Variants in CEP250 observed in about 807,000 individuals in gnomAD.
The protein encoded by CEP250 is centrosome-associated protein CEP250.
CEP250 carries 242 observed loss-of-function variants against 315.7 expected under a neutral mutation model. The observed-to-expected ratio is 0.77, with a 90% CI of 0.69 to 0.85. The LOEUF (loss-of-function observed/expected upper bound fraction) is 0.85, where lower values mean the gene tolerates loss of function less well. Among genes scored for constraint, CEP250 ranks in the 40% least tolerant of loss-of-function variants. The pLI is 0.00. For synonymous variants in CEP250, 1,088 were observed against 1,175.0 expected, an observed-to-expected ratio of 0.93 and a Z score of 1.51; for missense variants, 2,515 against 2,886.4, an observed-to-expected ratio of 0.87 and a Z score of 2.95.
Position 35,503,205 on chromosome 20 carries a change from T to C in CEP250, c.4836T>C (p.His1612=). ...TGCAGGCACAAAGCAGCCAGATCCA[T>C]GACCTGGAGAGCCACAGCACCGTTC... ...QELQAQSSQI[H]DLESHSTVLA... is the part of the protein sequence containing the mutation. The change falls in exon 30 of 35, where the codon CAT becomes CAC. Residue 1612 remains histidine, a synonymous_variant. Transcript: ENST00000397527. The surrounding 1 kb of genome is among the most constrained non-coding windows in gnomAD (Gnocchi z 4.2). The C allele has an allele frequency of 6.2e-7, 1 of 1,614,048 alleles. No homozygotes were observed. The highest frequency in any genetic ancestry group is 8.5e-7 in the Non-Finnish European group (1 of 1,179,980).
At chr20:35,508,219 G>C in intron 32 of CEP250, 29 bp downstream of exon 32, 1 of 1,612,064 alleles carries the variant, frequency 6.2e-7, no homozygotes. Context: ...CAGTGGGCAT[G>C]CATCTCCACT....
At chr20:35,511,261 A>G in intron 34 of CEP250, 102 bp from the exon 35 acceptor site, 1 of 979,974 alleles carries the variant, frequency 1.0e-6, no homozygotes, top group Non-Finnish European at 1.5e-6. Context: ...GTTGATTCAG[A>G]TGATCAGCCA....
chr20:35,467,334 G>A lies in CEP250; in HGVS notation c.630G>A (p.Val210=). Residue 210 remains valine, a synonymous_variant, in exon 9 of 35, where the codon GTG becomes GTA. Transcript: ENST00000397527. ...RDLMELKAEH[V]RLSGSLLTCC... is the part of the protein sequence containing the mutation. ...TGATGGAGCTAAAAGCTGAGCATGT[G>A]AGGCTTTCAGGGTCTCTGTTGACCT... The A allele has an allele frequency of 6.2e-7, 1 of 1,614,070 alleles. No homozygotes were observed. Among genetic ancestry groups the A allele is most frequent in the Non-Finnish European group, 8.5e-7 (1 of 1,179,918 alleles).
In CEP250 at chr20:35,465,808, G is replaced by A; in HGVS notation, c.309G>A (p.Leu103=). 1 of 1,609,328 alleles carries A rather than the reference G, an allele frequency of 6.2e-7. No homozygotes were observed. Among genetic ancestry groups the A allele is most frequent in the Non-Finnish European group, 8.5e-7 (1 of 1,178,284 alleles). The part of the protein sequence containing the change: ...EPNLDELLVR[L]EEEQQRCESL... ...ACCTGGATGAGCTGCTGGTCCGATT[G>A]GAGGAGGAGCAACAGAGGTGATGGA... The change falls in exon 6 of 35, where the codon TTG becomes TTA. Residue 103 remains leucine, a synonymous_variant. Coordinates refer to ENST00000397527, the MANE Select transcript of CEP250 (RefSeq NM_007186.6).
In CEP250 at chr20:35,502,661, CTGAA is replaced by C; in HGVS notation, c.4293_4296del (p.Arg1433LysfsTer32). 1.2e-6 allele frequency: 2 copies of C among 1,614,242 alleles called. No homozygotes were observed. Among genetic ancestry groups the C allele is most frequent in the Non-Finnish European group, 1.7e-6 (2 of 1,180,056 alleles). On this transcript the variant is annotated frameshift_variant, in exon 30 of 35. Transcript: ENST00000397527. LOFTEE classifies it high-confidence loss of function. Reference sequence around the variant, plus strand: ...TTGGCCCTCCTGACCCAGACCCTAGCTGAAAGAGAAGAGGAGGTGGAGACTCTGC... The same window carrying C: ...TTGGCCCTCCTGACCCAGACCCTAGCAGAGAAGAGGAGGTGGAGACTCTGC...
In CEP250 at chr20:35,491,193, C is replaced by G; in HGVS notation, c.2755-19C>G. The G allele has an allele frequency of 6.2e-7, 1 of 1,609,272 alleles. No homozygotes were observed. The highest frequency in any genetic ancestry group is 1.3e-5 in the African/African-American group (1 of 74,892). On this transcript the variant is annotated intron_variant, in intron 21 of 34. Transcript: ENST00000397527. ...GTAATCCTGAGCCCACAAGCTGTTA[C>G]CCCCCTACCCCTCCACAGATGCAGC...
rs751345284 is a variant in CEP250, at chr20:35,463,614, C to A, written c.226C>A (p.Arg76=). The stretch of plus-strand genomic sequence containing the variant: ...AAGCTGGTGCCAAGAGCTGGAGAAG[C>A]GGCTAGAAGCCACTGGAGTGAGTGA... ...YRSWCQELEK[R]LEATGGPIPQ... Residue 76 remains arginine, a synonymous_variant, in exon 5 of 35, where the codon CGG becomes AGG. Coordinates refer to ENST00000397527, the MANE Select transcript of CEP250 (RefSeq NM_007186.6). The A allele has an allele frequency of 6.2e-7, 1 of 1,608,564 alleles. No homozygotes were observed. The highest frequency in any genetic ancestry group is 2.3e-5 in the East Asian group (1 of 44,434).
chr20:35,491,261 T>C lies in CEP250; in HGVS notation c.2804T>C (p.Leu935Pro). ...AGAGTATCCCTCCTGGAGACACTGC[T>C]GCAGACGCAGAAGGAGCTAGCAGAT... is the stretch of plus-strand genomic sequence containing the variant. ...KERVSLLETL[L>P]QTQKELADAS... Residue 935 changes from leucine to proline, a missense_variant, in exon 22 of 35, where the codon CTG (leucine) becomes CCG (proline). By Grantham distance (98) the Leu-to-Pro change is moderately conservative (BLOSUM62 -3). Transcript: ENST00000397527. The C allele has an allele frequency of 6.2e-7, 1 of 1,608,986 alleles. No homozygotes were observed. Among genetic ancestry groups the C allele is most frequent in the Non-Finnish European group, 8.5e-7 (1 of 1,177,592 alleles).
In CEP250 at chr20:35,462,353, C is replaced by T; in HGVS notation, c.-15C>T. 1 of 1,562,124 alleles carries T rather than the reference C, an allele frequency of 6.4e-7. No homozygotes were observed. Among genetic ancestry groups the T allele is most frequent in the Non-Finnish European group, 8.7e-7 (1 of 1,150,132 alleles). Reference sequence around the variant, plus strand: ...GGCTACCTAGGGACCTGTGGGCCTACCACCTGGTGCCCTCATGGAGACAAG... The same window carrying T: ...GGCTACCTAGGGACCTGTGGGCCTATCACCTGGTGCCCTCATGGAGACAAG... On this transcript the variant is annotated 5_prime_UTR_variant, in exon 4 of 35. Transcript: ENST00000397527.
intron 24 of CEP250, among the ~76,000 whole-genome samples, chr20:35,494,957 ATAATAACTCAAAT>A (rs1227421578): frequency 1.3e-4 from 13 of 101,056 alleles, no homozygotes; most frequent in African/African-American, 4.8e-4. Context: ...CATTAATCAA[ATAATAACTCAAAT>A]TATTACGTTA....
At chr20:35,479,140 ATC>A in intron 17 of CEP250, 89 bp from the exon 18 acceptor site, 1 of 1,267,970 alleles carries the variant, frequency 7.9e-7, no homozygotes, top group East Asian at 2.4e-5. Flanking sequence ...TGGGTCCAGA[ATC>A]TCTGAAGAGG....
At chr20:35,467,237 G>A (rs1568761247) in intron 8 of CEP250, 67 bp from the exon 9 acceptor site, 32 of 1,550,954 alleles carry the variant, frequency 2.1e-5, no homozygotes, top group Non-Finnish European at 2.7e-5. Context: ...AGGCTTCACT[G>A]GGCCTGATCA....
rs145465048 is a variant in CEP250, at chr20:35,465,609, G to A, written c.244-134G>A. ...TTGGAGTGAGGGATGCAGTGATTGA[G>A]AATAGAAGCATATTGCTAACAAAGG... On this transcript the variant is annotated intron_variant, in intron 5 of 34. Coordinates refer to ENST00000397527, the MANE Select transcript of CEP250 (RefSeq NM_007186.6). 3.5e-3 allele frequency: 2,186 copies of A among 629,744 alleles called. 42 individuals are homozygous for A. The East Asian group carries it at 0.04, about 12-fold the overall frequency. The allele number at this position is 629,744 out of a possible 1,614,324, so 39.0% of individuals were successfully genotyped here.
intron 8 of CEP250, 107 bp downstream of exon 8, chr20:35,467,179 G>GGGGGCCCCC: frequency 1.1e-5 from 6 of 534,816 alleles, no homozygotes; most frequent in African/African-American, 1.9e-5. Flanking sequence ...GGTGGGTGGG[G>GGGGGCCCCC]GAGTTGGTAG....
Position 35,477,914 on chromosome 20 carries a change from C to T in CEP250, c.1907C>T (p.Ala636Val). 1 of 1,602,198 alleles carries T rather than the reference C, an allele frequency of 6.2e-7. No individual in the cohort carries two copies. Among genetic ancestry groups the T allele is most frequent in the Non-Finnish European group, 8.5e-7 (1 of 1,174,656 alleles). The change falls in exon 17 of 35, where the codon GCA (alanine) becomes GTA (valine). Residue 636 changes from alanine to valine, a missense_variant. Ala to Val is a moderately conservative substitution (Grantham distance 64). Coordinates refer to ENST00000397527, the MANE Select transcript of CEP250 (RefSeq NM_007186.6). ...NQSVCSRMEA[A>V]EQARNALQVD... is the part of the protein sequence containing the mutation. ...TCTGTGTGCAGCAGAATGGAGGCCG[C>T]AGAGCAGGCGAGAAATGCTTTGCAG...
chr20:35,498,543 T>G, intron 26 of CEP250, 52 bp from the exon 27 acceptor site: 1 of 1,597,428 alleles, frequency 6.3e-7, no homozygotes, highest in East Asian at 2.3e-5. Context: ...GAGGTCTGGC[T>G]GTTTCTTTTC....
chr20:35,463,547 T>C, intron 4 of CEP250, 28 bp from the exon 5 acceptor site: 1 of 1,580,104 alleles, frequency 6.3e-7, no homozygotes. Context: ...CTGTGTTCAT[T>C]GCCCAGGGCC....
intron 20 of CEP250, among the ~76,000 whole-genome samples, chr20:35,488,706 A>T (rs1568802966): frequency 1.3e-5 from 2 of 152,108 alleles, no homozygotes; most frequent in Non-Finnish European, 2.9e-5. Context: ...TCAAGTGATC[A>T]TCCTACCTCG....
At chr20:35,505,652 C>CAA (rs57141703) in intron 30 of CEP250, among the ~76,000 whole-genome samples, 3,260 of 102,932 alleles carry the variant, frequency 0.032, 97 homozygotes, top group African/African-American at 0.043. Flanking sequence ...GACTCCATCT[C>CAA]AAAAAAAAAA....
Sources: gnomAD v4.1 joint callset for allele counts (sites outside exome capture counted in the v4.1 genomes callset) on GRCh38, gnomAD v4.1.1 for gene constraint, Gnocchi (gnomAD v3.1) non-coding constraint, MANE v1.5 for transcripts, NCBI Gene and HGNC (gene_info 2026-07-23, HGNC 2026-07-21) for gene names.